Variants in ADAMTSL1 observed in about 807,000 individuals in gnomAD.
The protein encoded by ADAMTSL1 is ADAMTS-like protein 1.
Under a neutral mutation model 201.8 loss-of-function variants are expected in ADAMTSL1, and 126 were observed. That is an observed-to-expected ratio of 0.62 (90% CI 0.54 to 0.72). The LOEUF (loss-of-function observed/expected upper bound fraction) is 0.72, where lower values mean the gene tolerates loss of function less well. ADAMTSL1 is among the 30% of genes least tolerant of loss of function. The probability of loss-of-function intolerance (pLI) is 0.00; values close to 1 mark genes in which losing one functional copy is unlikely to be tolerated. For missense variants in ADAMTSL1, 2,679 were observed against 2,277.8 expected, an observed-to-expected ratio of 1.18 and a Z score of -3.59; for synonymous variants, 1,121 against 903.4, an observed-to-expected ratio of 1.24 and a Z score of -4.32.
intron 3 of ADAMTSL1, among the ~76,000 whole-genome samples, chr9:18,534,443 G>A (rs1449157130): frequency 6.6e-6 from 1 of 152,146 alleles, no homozygotes; most frequent in Non-Finnish European, 1.5e-5. Flanking sequence ...TCAAAATTAA[G>A]TTGACTCTGC....
intron 1 of ADAMTSL1, among the ~76,000 whole-genome samples, chr9:17,980,568 T>C (rs971827819): frequency 1.3e-5 from 2 of 152,052 alleles, no homozygotes; most frequent in South Asian, 4.1e-4. Flanking sequence ...AGTTCATTTC[T>C]TGAAATTCTA....
intron 4 of ADAMTSL1, among the ~76,000 whole-genome samples, chr9:18,599,182 CT>C (rs770570516): frequency 1.3e-5 from 2 of 152,198 alleles, no homozygotes; most frequent in Non-Finnish European, 2.9e-5. Context: ...GCAGTTTCCA[CT>C]CTTGGCTTTT....
intron 1 of ADAMTSL1, among the ~76,000 whole-genome samples, chr9:18,029,243 C>T (rs1047295481): frequency 6.6e-6 from 1 of 152,096 alleles, no homozygotes; most frequent in Admixed American, 6.6e-5. Context: ...TATTTGAATA[C>T]CCTTTGTTTC....
At chr9:17,929,222 G>T (rs1485283556) in intron 1 of ADAMTSL1, among the ~76,000 whole-genome samples, 5 of 151,992 alleles carry the variant, frequency 3.3e-5, no homozygotes, top group Non-Finnish European at 4.4e-5. Context: ...CTGCTTAAAG[G>T]CTTCAGTGAT....
At chr9:18,798,470 A>T (rs1439895721) in intron 20 of ADAMTSL1, among the ~76,000 whole-genome samples, 1 of 152,258 alleles carries the variant, frequency 6.6e-6, no homozygotes, top group Non-Finnish European at 1.5e-5. Flanking sequence ...GCAGGCACTC[A>T]ATATTTGTTA....
intron 4 of ADAMTSL1, among the ~76,000 whole-genome samples, chr9:18,611,820 T>C (rs972007395): frequency 1.3e-4 from 20 of 152,198 alleles, no homozygotes; most frequent in African/African-American, 4.3e-4. Context: ...TGAAACCACG[T>C]CCTCCTCTAT....
At chr9:18,506,202 A>G (rs1383114964) in intron 2 of ADAMTSL1, among the ~76,000 whole-genome samples, 1 of 152,228 alleles carries the variant, frequency 6.6e-6, no homozygotes, top group African/African-American at 2.4e-5. Context: ...GATAAGAAAG[A>G]CTAGACTTTT....
At chr9:18,606,273 T>C (rs1825008585) in intron 4 of ADAMTSL1, among the ~76,000 whole-genome samples, 1 of 152,194 alleles carries the variant, frequency 6.6e-6, no homozygotes, top group African/African-American at 2.4e-5. Context: ...GTTGTTTTCA[T>C]ATTATTAGGA....
At chr9:18,644,977 T>G (rs1827699387) in intron 7 of ADAMTSL1, among the ~76,000 whole-genome samples, 1 of 151,984 alleles carries the variant, frequency 6.6e-6, no homozygotes, top group Non-Finnish European at 1.5e-5. Context: ...ACTTCCACAA[T>G]GGTTGCACTA....
chr9:18,722,095 A>G (rs1471245570), intron 15 of ADAMTSL1, among the ~76,000 whole-genome samples: 2 of 152,136 alleles, frequency 1.3e-5, no homozygotes, highest in African/African-American at 4.8e-5. Flanking sequence ...CCACTGTGAA[A>G]TCTATATGCA....
intron 23 of ADAMTSL1, among the ~76,000 whole-genome samples, chr9:18,874,133 C>T (rs1276591107): frequency 6.6e-6 from 1 of 152,072 alleles, no homozygotes; most frequent in Non-Finnish European, 1.5e-5. Context: ...GATTTGTATA[C>T]ATTAATTTTG....
At chr9:18,031,587 A>T (rs953661108) in intron 1 of ADAMTSL1, among the ~76,000 whole-genome samples, 1 of 152,158 alleles carries the variant, frequency 6.6e-6, no homozygotes, top group East Asian at 1.9e-4. Context: ...ATCTTGATGC[A>T]TATGTAGCAG....
At chr9:18,070,696 G>A (rs1278422201) in intron 1 of ADAMTSL1, among the ~76,000 whole-genome samples, 1 of 152,162 alleles carries the variant, frequency 6.6e-6, no homozygotes, top group East Asian at 1.9e-4. Context: ...GGGAGAAGGA[G>A]TCTTATAGCC....
chr9:17,909,550 T>C (rs200162073), intron 1 of ADAMTSL1, among the ~76,000 whole-genome samples: 1 of 68,158 alleles, frequency 1.5e-5, no homozygotes, highest in Non-Finnish European at 4.5e-5. Flanking sequence ...TATTGCAGCA[T>C]TATTCACAAT....
intron 2 of ADAMTSL1, among the ~76,000 whole-genome samples, chr9:18,350,184 G>A (rs1262387216): frequency 6.6e-6 from 1 of 152,000 alleles, no homozygotes; most frequent in African/African-American, 2.4e-5. Flanking sequence ...CCCCAGGTGT[G>A]TAAGAACCAC....
chr9:18,546,088 T>C (rs929001611), intron 3 of ADAMTSL1, among the ~76,000 whole-genome samples: 2 of 152,234 alleles, frequency 1.3e-5, no homozygotes, highest in African/African-American at 2.4e-5. Flanking sequence ...GTCCTTCTTA[T>C]GTTTTCCTTT....
intron 2 of ADAMTSL1, among the ~76,000 whole-genome samples, chr9:18,378,935 G>A (rs1236263474): frequency 6.6e-6 from 1 of 152,206 alleles, no homozygotes; most frequent in African/African-American, 2.4e-5. Flanking sequence ...GAATCCAGAT[G>A]AAGAATTAGC....
chr9:18,138,226 T>C (rs1826241657), intron 1 of ADAMTSL1, among the ~76,000 whole-genome samples: 1 of 152,006 alleles, frequency 6.6e-6, no homozygotes, highest in Admixed American at 6.6e-5. Flanking sequence ...GCTCTGTAAA[T>C]GGAAAGGAAT....
At chr9:18,073,886 T>A (rs755912171) in intron 1 of ADAMTSL1, among the ~76,000 whole-genome samples, 3 of 152,162 alleles carry the variant, frequency 2.0e-5, no homozygotes, top group Non-Finnish European at 4.4e-5. Context: ...GACTTCTAAG[T>A]TAGAATTCTC....
Sources: allele counts gnomAD v4.1 joint callset (sites outside exome capture counted in the v4.1 genomes callset), GRCh38; gene constraint gnomAD v4.1.1; transcripts MANE v1.5; gene names NCBI Gene and HGNC (gene_info 2026-07-23, HGNC 2026-07-21).